Variants in SEMA3A observed in about 807,000 individuals in gnomAD.
The protein encoded by SEMA3A is semaphorin-3A.
SEMA3A carries 29 observed loss-of-function variants against 97.9 expected under a neutral mutation model. The observed-to-expected ratio is 0.30, with a 90% CI of 0.22 to 0.40. The LOEUF is 0.40. Ranked by LOEUF, SEMA3A falls within the 10% of genes least tolerant of loss-of-function variation. The probability of loss-of-function intolerance (pLI) is 1.00; values close to 1 mark genes in which losing one functional copy is unlikely to be tolerated. For synonymous variants in SEMA3A, 321 were observed against 323.7 expected (o/e 0.99, Z 0.09); for missense variants, 763 against 951.3 (o/e 0.80, Z 2.60).
At chr7:84,047,422 A>T (rs550350800) in intron 5 of SEMA3A, among the ~76,000 whole-genome samples, 1 of 152,040 alleles carries the variant, frequency 6.6e-6, no homozygotes, top group East Asian at 1.9e-4. Flanking sequence ...TTTACAGTTC[A>T]AGAAATTCAA....
At chr7:84,135,214 G>A (rs1796090190) in intron 1 of SEMA3A, among the ~76,000 whole-genome samples, 1 of 150,708 alleles carries the variant, frequency 6.6e-6, no homozygotes, top group Admixed American at 6.6e-5. Context: ...GAGTTCAAGC[G>A]ATTCTCCCAC....
intron 3 of SEMA3A, among the ~76,000 whole-genome samples, chr7:84,215,503 T>C (rs1449367069): frequency 6.6e-6 from 1 of 152,210 alleles, no homozygotes; most frequent in Admixed American, 6.5e-5. Context: ...ATCTTACTCA[T>C]TTTGAATAAG....
At chr7:84,204,845 A>G (rs538461157) in intron 3 of SEMA3A, among the ~76,000 whole-genome samples, 4 of 152,312 alleles carry the variant, frequency 2.6e-5, no homozygotes, top group African/African-American at 9.6e-5. Flanking sequence ...CAGCCCTGCA[A>G]CTGTAGGCAG....
chr7:84,051,410 T>G (rs1385038316), intron 5 of SEMA3A, among the ~76,000 whole-genome samples: 1 of 152,232 alleles, frequency 6.6e-6, no homozygotes, highest in East Asian at 1.9e-4. Context: ...TACTTCTCCT[T>G]AAAGAGGTCC....
Position 83,964,566 on chromosome 7 carries a change from C to A in SEMA3A, c.1718-1219G>T, listed in dbSNP as rs1466499415. ...CAAGGCCTGTGTCTATCATCTCCTACCCTCATCATACCCTACCTACTTCAT... is the reference window on the plus strand; with the variant it reads ...CAAGGCCTGTGTCTATCATCTCCTAACCTCATCATACCCTACCTACTTCAT... On this transcript the variant is annotated intron_variant, in intron 15 of 16. Coordinates refer to ENST00000265362, the MANE Select transcript of SEMA3A (RefSeq NM_006080.3). Among the ~76,000 whole-genome samples, 3 of 152,114 alleles carry A rather than the reference C, an allele frequency of 2.0e-5. No individual in the cohort carries two copies. The East Asian group carries it at 5.8e-4, about 29-fold the overall frequency.
At chr7:84,376,359 T>C (rs1803098789) in intron 1 of SEMA3A, among the ~76,000 whole-genome samples, 1 of 115,434 alleles carries the variant, frequency 8.7e-6, no homozygotes, top group Admixed American at 9.4e-5. Flanking sequence ...TCCCAGCACT[T>C]TGGGAGGCCA....
At chr7:84,416,983 T>C (rs913349269) in intron 1 of SEMA3A, among the ~76,000 whole-genome samples, 2 of 152,124 alleles carry the variant, frequency 1.3e-5, no homozygotes, top group African/African-American at 2.4e-5. Context: ...AAGAATCCCA[T>C]GGTACTTGAA....
chr7:83,968,283 G>C lies in SEMA3A; in HGVS notation c.1718-4936C>G, dbSNP rs183454106. On this transcript the variant is annotated intron_variant, in intron 15 of 16. Coordinates refer to ENST00000265362, the MANE Select transcript of SEMA3A (RefSeq NM_006080.3). The stretch of plus-strand genomic sequence containing the variant: ...AGGAACACACCATGTTAATCACATC[G>C]GACAGTTGATTTTATTAAATTGGTT... Among the ~76,000 whole-genome samples the C allele has an allele frequency of 2.0e-5, 3 of 152,246 alleles. No homozygotes were observed. The East Asian group carries it at 5.8e-4, about 29-fold the overall frequency.
intron 3 of SEMA3A, 31 bp from the exon 4 acceptor site, chr7:84,110,620 C>T: frequency 6.2e-7 from 1 of 1,612,388 alleles, no homozygotes; most frequent in Non-Finnish European, 8.5e-7. Flanking sequence ...CAAAGAGTTT[C>T]AGCAATCAGC....
intron 1 of SEMA3A, among the ~76,000 whole-genome samples, chr7:84,408,180 T>C (rs1266410041): frequency 6.6e-6 from 1 of 151,906 alleles, no homozygotes; most frequent in African/African-American, 2.4e-5. Context: ...TACAATGAAC[T>C]CAAACAAATT....
chr7:84,334,440 T>C (rs1801983584), intron 2 of SEMA3A, among the ~76,000 whole-genome samples: 1 of 152,142 alleles, frequency 6.6e-6, no homozygotes, highest in Non-Finnish European at 1.5e-5. Context: ...TTACAATGTA[T>C]AATTACATAA....
intron 1 of SEMA3A, among the ~76,000 whole-genome samples, chr7:84,470,184 T>G (rs1056914652): frequency 4.6e-5 from 7 of 152,032 alleles, no homozygotes. Flanking sequence ...GGGATTCTAC[T>G]ATACTTATAA....
intron 1 of SEMA3A, among the ~76,000 whole-genome samples, chr7:84,387,524 G>A (rs1055005532): frequency 5.3e-5 from 8 of 152,126 alleles, no homozygotes; most frequent in South Asian, 2.1e-4. Context: ...AAAACCTAAC[G>A]GTAATTATGG....
At chr7:84,197,730 C>CT (rs139403623), upstream of SEMA3A, among the ~76,000 whole-genome samples, 3,135 of 69,346 alleles carry the variant, frequency 0.045, 659 homozygotes, top group Admixed American at 0.12. Flanking sequence ...AAAGATCACT[C>CT]TTTTTTTTTT....
chr7:84,022,485 T>A (rs1533997), intron 6 of SEMA3A, among the ~76,000 whole-genome samples: 75,195 of 152,036 alleles, frequency 0.49, 19,404 homozygotes, highest in Middle Eastern at 0.61. Flanking sequence ...CACTGAAACT[T>A]AATGACACAA....
intron 14 of SEMA3A, among the ~76,000 whole-genome samples, chr7:83,978,499 G>GA (rs1789263442): frequency 6.6e-6 from 1 of 152,146 alleles, no homozygotes; most frequent in African/African-American, 2.4e-5. Flanking sequence ...AAGATTGGGG[G>GA]ACACTTGCCC....
In SEMA3A at chr7:84,007,461, G is replaced by A. The variant is rs1011105766; in HGVS notation, c.1032C>T (p.Ser344=). The A allele has an allele frequency of 2.5e-6, 4 of 1,602,868 alleles. No individual in the cohort carries two copies. In the African/African-American group the frequency reaches 5.4e-5, roughly 22 times the overall value. ...GGAACACCCTTCTCACATCACTCAT[G>A]CTATACATACACACGGCTGATCCCT... The part of the protein sequence containing the change: ...IFKGSAVCMY[S]MSDVRRVFLG... Residue 344 remains serine (S), a synonymous_variant, in exon 10 of 17, where the codon AGC becomes AGT. Transcript: ENST00000265362.
At chr7:83,995,965 T>C (rs1046345288) in intron 12 of SEMA3A, among the ~76,000 whole-genome samples, 2 of 152,220 alleles carry the variant, frequency 1.3e-5, no homozygotes, top group African/African-American at 4.8e-5. Context: ...GCTCAGCTGT[T>C]CATGGAATAC....
intron 3 of SEMA3A, among the ~76,000 whole-genome samples, chr7:84,262,109 T>C (rs1799870552): frequency 6.6e-6 from 1 of 151,928 alleles, no homozygotes; most frequent in Admixed American, 6.6e-5. Flanking sequence ...TTTTTTTTTT[T>C]TATCATATTA....
Sources: allele counts gnomAD v4.1 joint callset (sites outside exome capture counted in the v4.1 genomes callset), GRCh38; gene constraint gnomAD v4.1.1; transcripts MANE v1.5; gene names NCBI Gene and HGNC (gene_info 2026-07-23, HGNC 2026-07-21).